RPH3AL: variants seen among roughly 807,000 people sequenced by gnomAD.
RPH3AL encodes rab effector Noc2.
A neutral mutation model predicts 43.1 loss-of-function variants in RPH3AL; 38 were observed. The observed-to-expected ratio is 0.88, with a 90% CI of 0.68 to 1.15. The LOEUF is 1.15. Ranked by LOEUF, RPH3AL falls within the 50% of genes most tolerant of loss-of-function variation. The pLI is 0.00. For synonymous variants in RPH3AL, 189 were observed against 176.3 expected (o/e 1.07, Z -0.57); for missense variants, 462 against 423.2 (o/e 1.09, Z -0.81).
chr17:272,523 C>T (rs1567603621), intron 6 of RPH3AL, among the ~76,000 whole-genome samples: 2 of 143,524 alleles, frequency 1.4e-5, no homozygotes, highest in Non-Finnish European at 1.5e-5. Context: ...CCAAACACCG[C>T]ATGTTCTCAC....
intron 7 of RPH3AL, among the ~76,000 whole-genome samples, chr17:244,236 C>CTATTGATTACCCTTCCTT (rs1555538718): frequency 6.7e-6 from 1 of 148,820 alleles, no homozygotes; most frequent in East Asian, 2.0e-4. Flanking sequence ...TACCCTTCCT[C>CTATTGATTACCCTTCCTT]TATTGATTAC....
intron 7 of RPH3AL, among the ~76,000 whole-genome samples, chr17:232,088 G>A (rs2041242720): frequency 6.9e-6 from 1 of 144,260 alleles, no homozygotes; most frequent in Middle Eastern, 3.2e-3. Flanking sequence ...AAACAAATTC[G>A]TGTGTGTGAG....
chr17:298,203 T>C (rs2043228665), intron 5 of RPH3AL, among the ~76,000 whole-genome samples: 1 of 152,136 alleles, frequency 6.6e-6, no homozygotes, highest in African/African-American at 2.4e-5. Context: ...CAGGAGACCG[T>C]CCACGTCCTC....
chr17:278,392 G>A (rs1446597896), intron 6 of RPH3AL, among the ~76,000 whole-genome samples: 2 of 152,134 alleles, frequency 1.3e-5, no homozygotes, highest in African/African-American at 4.8e-5. Context: ...TTAGCAGCAT[G>A]AGAACAGACT....
rs1567532169 is a variant in RPH3AL at position 333,165 on chromosome 17, TTCG to T, written c.-37+591_-37+593del. ...CCATTAGAGCTCACCACCCCGGGCG[TTCG>T]TCACTGCAGACATCACTGCAGACAC... On this transcript the variant is annotated intron_variant, in intron 2 of 9. Transcript: ENST00000331302. The surrounding 1 kb of genome is among the most constrained non-coding windows in gnomAD (Gnocchi z 4.5). 4.2e-6 allele frequency: 5 copies of T among 1,195,522 alleles called. No homozygotes were observed. The highest frequency in any genetic ancestry group is 1.5e-4 in the East Asian group (2 of 13,296). The allele number at this position is 1,195,522 out of a possible 1,614,324, so 74.1% of individuals were successfully genotyped here.
intron 7 of RPH3AL, among the ~76,000 whole-genome samples, chr17:243,041 A>C (rs79647586): frequency 1.7e-4 from 11 of 62,882 alleles, no homozygotes; most frequent in Non-Finnish European, 3.6e-4. Flanking sequence ...ATTGAATACC[A>C]TCCTCTATTG....
At chr17:258,641 C>G (rs1305072737) in intron 6 of RPH3AL, among the ~76,000 whole-genome samples, 2 of 152,188 alleles carry the variant, frequency 1.3e-5, no homozygotes, top group African/African-American at 4.8e-5. Context: ...CTCCCACCCC[C>G]ACTCCACTCA....
In RPH3AL at chr17:321,688, C is replaced by A. The variant is rs558594780; in HGVS notation, c.78-273G>T. ...ACAGAGACGGGGCAGGTGCTGTGTG[C>A]CGGGGACAAGGCACATGGGCAACAG... On this transcript the variant is annotated intron_variant, in intron 3 of 9. Transcript: ENST00000331302. 1.9e-5 allele frequency: 8 copies of A among 415,550 alleles called. No homozygotes were observed. In the East Asian group the frequency reaches 2.7e-4, roughly 14 times the overall value. 25.7% of individuals were successfully genotyped at this position (415,550 alleles called of 1,614,324 possible).
At chr17:248,049 G>A (rs371171541) in intron 6 of RPH3AL, among the ~76,000 whole-genome samples, 3 of 151,424 alleles carry the variant, frequency 2.0e-5, no homozygotes, top group Non-Finnish European at 2.9e-5. Flanking sequence ...CTGACCTCCC[G>A]GGCACCTTCT....
At chr17:257,639 T>A (rs1394483899) in intron 6 of RPH3AL, among the ~76,000 whole-genome samples, 1 of 42,416 alleles carries the variant, frequency 2.4e-5, no homozygotes, top group Non-Finnish European at 4.4e-5. Flanking sequence ...ATGACTACCC[T>A]ACGTACTTCC....
At chr17:317,489 T>C (rs1211075950) in intron 5 of RPH3AL, among the ~76,000 whole-genome samples, 6 of 140,882 alleles carry the variant, frequency 4.3e-5, no homozygotes, top group South Asian at 4.6e-4. Context: ...GCTCCACACC[T>C]CCATTGACCT....
At chr17:219,865 C>T (rs974935092) in intron 7 of RPH3AL, 129 bp from the exon 8 acceptor site, 19 of 669,000 alleles carry the variant, frequency 2.8e-5, no homozygotes, top group Non-Finnish European at 4.6e-5. Flanking sequence ...GGCCCTTTCG[C>T]TTTGGGCAGA....
In RPH3AL at chr17:243,019, A is replaced by T. The variant is rs71369973; in HGVS notation, c.613+4092T>A. On this transcript the variant is annotated intron_variant, in intron 7 of 9. Transcript: ENST00000331302. The stretch of plus-strand genomic sequence containing the variant: ...TCTATTGAATACCTTCCTCTATTGA[A>T]TACCTTCCTCTATTGAATACCATCC... Among the ~76,000 whole-genome samples the T allele has an allele frequency of 7.1e-3, 559 of 78,994 alleles. 13 individuals carry two copies. The highest frequency in any genetic ancestry group is 0.016 in the South Asian group (32 of 1,966). 51.8% of individuals were successfully genotyped at this position (78,994 alleles called of 152,430 possible).
At chr17:302,594 A>C (rs1399589391) in intron 5 of RPH3AL, among the ~76,000 whole-genome samples, 1 of 152,184 alleles carries the variant, frequency 6.6e-6, no homozygotes, top group Non-Finnish European at 1.5e-5. Context: ...AACGGGAAAC[A>C]GGATGGGAGG....
chr17:324,897 T>C (rs1364450577), intron 3 of RPH3AL, among the ~76,000 whole-genome samples: 1 of 152,176 alleles, frequency 6.6e-6, no homozygotes, highest in Admixed American at 6.5e-5. Context: ...GGCTAATTTT[T>C]TGTATTTTTA....
At chr17:315,120 C>G (rs1488564413) in intron 5 of RPH3AL, among the ~76,000 whole-genome samples, 1 of 151,518 alleles carries the variant, frequency 6.6e-6, no homozygotes, top group Non-Finnish European at 1.5e-5. Flanking sequence ...CTCCATTGAC[C>G]TGTAGTCTCT....
rs372761475 is a variant in RPH3AL, at chr17:258,757, G to GTTTTTTTTTTTTTT, written c.439-11486_439-11473dup. On this transcript the variant is annotated intron_variant, in intron 6 of 9. Transcript: ENST00000331302. Reference sequence around the variant, plus strand: ...TCAGCCATTTTGGGATAGTCAACCCGTTTTTTTTTTTTTTTTTTTTTGAGA... The same window carrying GTTTTTTTTTTTTTT: ...TCAGCCATTTTGGGATAGTCAACCCGTTTTTTTTTTTTTTTTTTTTTTTTTTTTTTTTTTTGAGA... Among the ~76,000 whole-genome samples, 6 of 98,770 alleles carry GTTTTTTTTTTTTTT rather than the reference G, an allele frequency of 6.1e-5. 3 individuals carry two copies. The highest frequency in any genetic ancestry group is 8.4e-5 in the Non-Finnish European group (4 of 47,482). 64.8% of individuals were successfully genotyped at this position (98,770 alleles called of 152,430 possible). A position where few individuals can be genotyped will look rare whatever the true frequency, so the allele number is the denominator to read the frequency against.
At chr17:237,635 T>C (rs2041429934) in intron 7 of RPH3AL, among the ~76,000 whole-genome samples, 1 of 152,194 alleles carries the variant, frequency 6.6e-6, no homozygotes, top group Non-Finnish European at 1.5e-5. Flanking sequence ...TGAGCAGGGC[T>C]TTTGATGGTG....
At position 298,712 on chromosome 17, in the gene RPH3AL, A is replaced by AAAC. The variant is rs1555563853; in HGVS notation, c.352-16859_352-16858insGTT. On this transcript the variant is annotated intron_variant, in intron 5 of 9. Transcript: ENST00000331302. ...AAAGGGAGATGTTATCTCAAAAAAA[A>AAAC]AAAAAAACTCCCAGCCAGCAAATAC... is the stretch of plus-strand genomic sequence containing the variant. Among the ~76,000 whole-genome samples the AAAC allele has an allele frequency of 6.9e-3, 1,044 of 151,436 alleles. 17 individuals carry two copies. Among genetic ancestry groups the AAAC allele is most frequent in the African/African-American group, 0.024 (981 of 41,180 alleles).
Sources: allele counts gnomAD v4.1 joint callset (sites outside exome capture counted in the v4.1 genomes callset), GRCh38; gene constraint gnomAD v4.1.1; non-coding constraint Gnocchi (gnomAD v3.1); transcripts MANE v1.5; gene names NCBI Gene and HGNC (gene_info 2026-07-23, HGNC 2026-07-21).